Variants in DCTD observed in about 807,000 individuals in gnomAD.
DCTD encodes the protein dCMP deaminase.
DCTD carries 23 observed loss-of-function variants against 21.0 expected under a neutral mutation model. The ratio of observed to expected loss-of-function variants is 1.09; its 90% CI spans 0.79 to 1.55. The LOEUF (loss-of-function observed/expected upper bound fraction) is 1.55, where lower values mean the gene tolerates loss of function less well. DCTD is among the 40% of genes most tolerant of loss of function. The probability of loss-of-function intolerance (pLI) is 0.00; values close to 1 mark genes in which losing one functional copy is unlikely to be tolerated. For missense variants in DCTD, 224 were observed against 230.0 expected, an observed-to-expected ratio of 0.97 and a Z score of 0.17; for synonymous variants, 71 against 81.1, an observed-to-expected ratio of 0.88 and a Z score of 0.67.
chr4:182,914,986 T>C lies in DCTD; in HGVS notation c.181A>G (p.Ser61Gly), dbSNP rs1182328149. 6.2e-7 allele frequency: 1 copy of C among 1,614,204 alleles called. No individual in the cohort carries two copies. The highest frequency in any genetic ancestry group is 8.5e-7 in the Non-Finnish European group (1 of 1,180,018). ...CTTCTCCAAGGCAACACGTCATCACTGCACCCATTTGGCATCCCATTGTAC... is the reference window on the plus strand; with the variant it reads ...CTTCTCCAAGGCAACACGTCATCACCGCACCCATTTGGCATCCCATTGTAC... ...IGYNGMPNGC[S>G]DDVLPWRRTA... is the part of the protein sequence containing the mutation. The change falls in exon 3 of 6, where the codon AGT becomes GGT. Residue 61 changes from serine to glycine, a missense_variant. Physicochemically the swap from Ser to Gly is moderately conservative, Grantham distance 56. Coordinates refer to ENST00000438320, the MANE Select transcript of DCTD (RefSeq NM_001921.3).
chr4:182,905,520 G>T (rs367988238), intron 3 of DCTD, among the ~76,000 whole-genome samples: 4 of 151,886 alleles, frequency 2.6e-5, no homozygotes, highest in African/African-American at 9.7e-5. Context: ...GTAGAGACGG[G>T]GTTTCACCAT....
intron 5 of DCTD, 28 bp downstream of exon 5, chr4:182,893,003 T>TC (rs769729473): frequency 1.4e-6 from 2 of 1,418,116 alleles, no homozygotes; most frequent in Non-Finnish European, 2.0e-6. Flanking sequence ...CCCTACCCCG[T>TC]CCCCCCGCCC....
At chr4:182,917,433 C>T (rs534132459), upstream of DCTD, 2,398 of 911,092 alleles carry the variant, frequency 2.6e-3, 40 homozygotes, top group African/African-American at 0.041. This position sits in a 1 kb window ranked among gnomAD's most constrained non-coding sequence, Gnocchi z 4.9. Context: ...GCCCGGGCGC[C>T]GCGCGTTCGC....
At chr4:182,891,909 G>C (rs1222948704) in intron 5 of DCTD, among the ~76,000 whole-genome samples, 1 of 150,856 alleles carries the variant, frequency 6.6e-6, no homozygotes, top group East Asian at 1.9e-4. Flanking sequence ...TACCTTTAGT[G>C]AGGAGTAATT....
rs1480159737 is a variant in DCTD at position 182,915,133 on chromosome 4, CA to C, written c.109-76del. Reference sequence around the variant, plus strand: ...CCGCTGTGGAAGCAGGGAATAAAACCAGGGGGACTGCAGAACTCAAAACAGA... The same window carrying C: ...CCGCTGTGGAAGCAGGGAATAAAACCGGGGGACTGCAGAACTCAAAACAGA... On this transcript the variant is annotated intron_variant, in intron 2 of 5. Coordinates refer to ENST00000438320, the MANE Select transcript of DCTD (RefSeq NM_001921.3). 26 of 1,581,684 alleles carry C rather than the reference CA, an allele frequency of 1.6e-5. No homozygotes were observed. The Admixed American group carries it at 3.9e-4, about 23-fold the overall frequency.
chr4:182,910,935 A>C (rs925729375), intron 3 of DCTD, among the ~76,000 whole-genome samples: 12 of 152,314 alleles, frequency 7.9e-5, no homozygotes, highest in African/African-American at 2.9e-4. Flanking sequence ...AGGACTAATG[A>C]CTTCCGACTT....
chr4:182,910,363 C>T (rs569227151), intron 3 of DCTD, among the ~76,000 whole-genome samples: 7 of 152,272 alleles, frequency 4.6e-5, no homozygotes, highest in Admixed American at 6.5e-5. Context: ...TCATCAAAAT[C>T]GGTTACGAAA....
chr4:182,911,247 C>G (rs1461377195), intron 3 of DCTD: 3 of 152,150 alleles, frequency 2.0e-5, no homozygotes, highest in Non-Finnish European at 4.4e-5. Context: ...GGGCACTAAT[C>G]CCATTCAGGA....
chr4:182,917,469 C>G (rs1447820276), upstream of DCTD: 2 of 393,766 alleles, frequency 5.1e-6, no homozygotes, highest in Non-Finnish European at 6.9e-6. This position sits in a 1 kb window ranked among gnomAD's most constrained non-coding sequence, Gnocchi z 4.9. Flanking sequence ...CCCGGGGGCC[C>G]GAAGCCCTGA....
rs776336479 is a variant in DCTD, at chr4:182,894,565, C to A, written c.285G>T (p.Ser95=). The change falls in exon 4 of 6, where the codon TCG becomes TCT. Residue 95 remains serine (S), a synonymous_variant. Transcript: ENST00000438320. ...AELNAIMNKN[S]TDVKGCSMYV... is the part of the protein sequence containing the mutation. ...ACATACTACAGCCTTTCACATCGGT[C>A]GAATTTTTGTTCATGATGGCATTCA... 1.6e-5 allele frequency: 26 copies of A among 1,613,994 alleles called. No homozygotes were observed. The Admixed American group carries it at 4.2e-4, about 26-fold the overall frequency.
Position 182,917,186 on chromosome 4 carries a change from C to T in DCTD, c.-8+125G>A. The T allele has an allele frequency of 1.0e-6, 1 of 991,274 alleles. No individual in the cohort carries two copies. The highest frequency in any genetic ancestry group is 5.2e-4 in the Middle Eastern group (1 of 1,934). 61.4% of individuals were successfully genotyped at this position (991,274 alleles called of 1,614,324 possible). On this transcript the variant is annotated intron_variant, in intron 1 of 5. Coordinates refer to ENST00000438320, the MANE Select transcript of DCTD (RefSeq NM_001921.3). This position sits in a 1 kb window ranked among gnomAD's most constrained non-coding sequence, Gnocchi z 4.9. The stretch of plus-strand genomic sequence containing the variant: ...AGGCTGAGCGCGGCCGAGGCGCCCC[C>T]AGCGTCCGCGGCCCCAGGCCCCCGC...
intron 3 of DCTD, among the ~76,000 whole-genome samples, chr4:182,900,094 C>G (rs187826645): frequency 2.0e-5 from 3 of 152,008 alleles, no homozygotes; most frequent in Admixed American, 6.6e-5. Flanking sequence ...TGGGGGAGAT[C>G]GTTTGAGCTC....
At chr4:182,891,507 T>C (rs1733744796) in intron 5 of DCTD, 30 bp from the exon 6 acceptor site, 1 of 1,455,658 alleles carries the variant, frequency 6.9e-7, no homozygotes. Context: ...ACAATTATTA[T>C]CTGGTGAGTA....
At chr4:182,917,600 C>G (rs1032571829), upstream of DCTD, 2 of 179,858 alleles carry the variant, frequency 1.1e-5, no homozygotes, top group Admixed American at 6.2e-5. The surrounding 1 kb of genome is among the most constrained non-coding windows in gnomAD (Gnocchi z 4.9). Flanking sequence ...GTTCAGAGCC[C>G]GAGCACAAAC....
At chr4:182,900,038 G>C (rs1338402027) in intron 3 of DCTD, among the ~76,000 whole-genome samples, 1 of 152,180 alleles carries the variant, frequency 6.6e-6, no homozygotes, top group Non-Finnish European at 1.5e-5. Flanking sequence ...TTTTGGGCCA[G>C]GTGCAGTAGT....
chr4:182,901,555 C>A (rs1432145067), intron 3 of DCTD, among the ~76,000 whole-genome samples: 1 of 152,188 alleles, frequency 6.6e-6, no homozygotes, highest in African/African-American at 2.4e-5. Flanking sequence ...AACAGACCTG[C>A]AACGCCTTCT....
intron 5 of DCTD, among the ~76,000 whole-genome samples, chr4:182,892,304 A>G (rs12499918): frequency 0.37 from 55,601 of 152,060 alleles, 10,791 homozygotes; most frequent in African/African-American, 0.49. Context: ...CAAGTAAAAT[A>G]TAGCTCACAA....
chr4:182,897,911 A>G (rs540584471), intron 3 of DCTD, among the ~76,000 whole-genome samples: 1 of 152,286 alleles, frequency 6.6e-6, no homozygotes, highest in African/African-American at 2.4e-5. Flanking sequence ...TATCAGCTCC[A>G]GGATCTCCAT....
At chr4:182,913,668 TC>T (rs1273451820) in intron 3 of DCTD, among the ~76,000 whole-genome samples, 4 of 152,310 alleles carry the variant, frequency 2.6e-5, no homozygotes, top group Admixed American at 2.0e-4. Context: ...GGCCTTACTC[TC>T]CCTTCACTTC....
Sources: gnomAD v4.1 joint callset for allele counts (sites outside exome capture counted in the v4.1 genomes callset) on GRCh38, gnomAD v4.1.1 for gene constraint, Gnocchi (gnomAD v3.1) non-coding constraint, MANE v1.5 for transcripts, NCBI Gene and HGNC (gene_info 2026-07-23, HGNC 2026-07-21) for gene names.